Variants in C9orf72 observed in about 807,000 individuals in gnomAD.
The protein encoded by C9orf72 is C9orf72-SMCR8 complex subunit, also known as guanine nucleotide exchange factor C9orf72.
Under a neutral mutation model 51.6 loss-of-function variants are expected in C9orf72, and 44 were observed. The observed-to-expected ratio is 0.85, with a 90% CI of 0.67 to 1.10. The LOEUF (loss-of-function observed/expected upper bound fraction) is 1.10. Ranked by LOEUF, C9orf72 falls within the 50% of genes least tolerant of loss-of-function variation. C9orf72 has a pLI of 0.00. For missense variants in C9orf72, 607 were observed against 570.6 expected (o/e 1.06, Z -0.65); for synonymous variants, 213 against 194.2 (o/e 1.10, Z -0.81).
Position 27,566,866 on chromosome 9 carries a change from A to G in C9orf72, c.255T>C (p.Phe85=), listed in dbSNP as rs747181422. ...TAATCACTCCCTTTTCAGACAAGAC[A>G]AAAAACTTTACATCTATAGCACCAC... The part of the protein sequence containing the change: ...AESGAIDVKF[F]VLSEKGVIIV... Residue 85 remains phenylalanine (F), a synonymous_variant, in exon 2 of 11, where the codon TTT becomes TTC. Transcript: ENST00000380003. The G allele has an allele frequency of 6.2e-7, 1 of 1,614,026 alleles. No individual in the cohort carries two copies. Among genetic ancestry groups the G allele is most frequent in the Non-Finnish European group, 8.5e-7 (1 of 1,179,928 alleles).
At position 27,567,073 on chromosome 9, in the gene C9orf72, C is replaced by A; in HGVS notation, c.48G>T (p.Glu16Asp). Residue 16 changes from glutamate to aspartate, a missense_variant, in exon 2 of 11, where the codon GAG (glutamate) becomes GAT (aspartate). By Grantham distance (45) the Glu-to-Asp change is conservative (BLOSUM62 2). Coordinates refer to ENST00000380003, the MANE Select transcript of C9orf72 (RefSeq NM_018325.5). ...AAGGTGATTTGCCACTTAAAGCAAT[C>A]TCTGTCTTGGCAACAGCTGGAGATG... ...PPPSPAVAKT[E>D]IALSGKSPLL... The A allele has an allele frequency of 6.2e-7, 1 of 1,613,990 alleles. No homozygotes were observed. Among genetic ancestry groups the A allele is most frequent in the Non-Finnish European group, 8.5e-7 (1 of 1,179,890 alleles).
At chr9:27,557,276 C>A (rs530833031) in intron 7 of C9orf72, among the ~76,000 whole-genome samples, 3 of 152,130 alleles carry the variant, frequency 2.0e-5, no homozygotes, top group African/African-American at 7.2e-5. Flanking sequence ...CTTAATTATT[C>A]TATGCACCTC....
chr9:27,548,846 A>AT (rs1820840980), intron 9 of C9orf72, among the ~76,000 whole-genome samples, 180 bp from the exon 10 acceptor site: 1 of 138,366 alleles, frequency 7.2e-6, no homozygotes, highest in East Asian at 2.2e-4. Flanking sequence ...GAACAATCTG[A>AT]TATTTTTTTT....
intron 8 of C9orf72, among the ~76,000 whole-genome samples, chr9:27,551,942 G>A (rs1347708445): frequency 6.6e-6 from 1 of 152,142 alleles, no homozygotes; most frequent in African/African-American, 2.4e-5. Context: ...TGCGGCTATT[G>A]TGAATGGGAC....
rs1324943336 is a variant in C9orf72, at chr9:27,566,939, A to G, written c.182T>C (p.Phe61Ser). The G allele has an allele frequency of 1.2e-6, 2 of 1,613,984 alleles. No individual in the cohort carries two copies. Among genetic ancestry groups the G allele is most frequent in the Admixed American group, 3.3e-5 (2 of 59,994 alleles). ...TCCATTTAGAGTGTGGTTGGCAAGAAAAGTTATTTCTCCATCACTGAGAAG... is the reference window on the plus strand; with the variant it reads ...TCCATTTAGAGTGTGGTTGGCAAGAGAAGTTATTTCTCCATCACTGAGAAG... The part of the protein sequence containing the change: ...QVLLSDGEIT[F>S]LANHTLNGEI... The change falls in exon 2 of 11, where the codon TTT becomes TCT. Residue 61 changes from phenylalanine to serine, a missense_variant. Phe to Ser is a radical substitution (Grantham distance 155). Coordinates refer to ENST00000380003, the MANE Select transcript of C9orf72 (RefSeq NM_018325.5).
At chr9:27,551,147 C>G (rs569873515) in intron 8 of C9orf72, among the ~76,000 whole-genome samples, 1 of 151,958 alleles carries the variant, frequency 6.6e-6, no homozygotes, top group Non-Finnish European at 1.5e-5. Flanking sequence ...CCAAAACAAA[C>G]CAAAAAATGT....
intron 9 of C9orf72, among the ~76,000 whole-genome samples, chr9:27,549,671 A>C (rs1820865551): frequency 6.6e-6 from 1 of 152,074 alleles, no homozygotes; most frequent in Non-Finnish European, 1.5e-5. Flanking sequence ...AATTAAGTAG[A>C]TATTTTTTAA....
In C9orf72 at chr9:27,548,293, G is replaced by T. The variant is rs1820815149; in HGVS notation, c.1389C>A (p.Ile463=). Residue 463 remains isoleucine, a synonymous_variant, in exon 11 of 11, where the codon ATC becomes ATA. Coordinates refer to ENST00000380003, the MANE Select transcript of C9orf72 (RefSeq NM_018325.5). ...CACTAGTGTAGAAAGGTCTTCCAAA[G>T]ATAAAAGAGTGTAGGCCTGGTTTAA... ...EKIKPGLHSF[I]FGRPFYTSVQ... is the part of the protein sequence containing the mutation. 6.2e-7 allele frequency: 1 copy of T among 1,613,138 alleles called. No individual in the cohort carries two copies. Among genetic ancestry groups the T allele is most frequent in the Non-Finnish European group, 8.5e-7 (1 of 1,179,512 alleles).
intron 3 of C9orf72, among the ~76,000 whole-genome samples, chr9:27,564,654 G>A (rs1193764984): frequency 6.6e-6 from 1 of 151,676 alleles, no homozygotes; most frequent in East Asian, 1.9e-4. Context: ...ATTGGGTTCT[G>A]TATTATGGCC....
upstream of C9orf72, chr9:27,573,537 C>CCCCGGCCCCGGCCCCGGA (rs1406523414): frequency 2.0e-5 from 3 of 150,494 alleles, no homozygotes; most frequent in South Asian, 5.3e-4. Context: ...CCGGCCCCGG[C>CCCCGGCCCCGGCCCCGGA]CCCGGCCCCT....
intron 3 of C9orf72, among the ~76,000 whole-genome samples, chr9:27,564,534 A>T (rs994681152): frequency 1.3e-5 from 2 of 152,154 alleles, no homozygotes; most frequent in African/African-American, 4.8e-5. Context: ...CTTTGGGTAA[A>T]GGGAAATCTT....
Position 27,548,650 on chromosome 9 carries a change from G to C in C9orf72, c.1166C>G (p.Pro389Arg). ...AFLDQVFQLK[P>R]GLSLRSTFLA... ...GAAAGTACTTCTGAGAGATAAGCCAGGTTTCAGCTGAAAGACCTGCAGGGA... is the reference window on the plus strand; with the variant it reads ...GAAAGTACTTCTGAGAGATAAGCCACGTTTCAGCTGAAAGACCTGCAGGGA... The change falls in exon 10 of 11, where the codon CCT (proline) becomes CGT (arginine). Residue 389 changes from proline (P) to arginine (R), a missense_variant. Transcript: ENST00000380003. 1 of 1,607,878 alleles carries C rather than the reference G, an allele frequency of 6.2e-7. No individual in the cohort carries two copies. The highest frequency in any genetic ancestry group is 8.5e-7 in the Non-Finnish European group (1 of 1,174,468).
Position 27,568,086 on chromosome 9 carries a change from C to CAAAAAA in C9orf72, c.-44-928_-44-923dup, listed in dbSNP as rs11418499. On this transcript the variant is annotated intron_variant, in intron 1 of 10. Coordinates refer to ENST00000380003, the MANE Select transcript of C9orf72 (RefSeq NM_018325.5). Reference sequence around the variant, plus strand: ...AAATACTTTAAAGCCGCTAAAAGGTCAAAAAAAAAAAAAAAAAAAAAGACA... The same window carrying CAAAAAA: ...AAATACTTTAAAGCCGCTAAAAGGTCAAAAAAAAAAAAAAAAAAAAAAAAAAAGACA... 1.3e-3 allele frequency among the ~76,000 whole-genome samples: 107 copies of CAAAAAA among 80,446 alleles called. 1 individual carries two copies. The highest frequency in any genetic ancestry group is 8.8e-3 in the Middle Eastern group (1 of 114). The allele number at this position is 80,446 out of a possible 152,430, so 52.8% of individuals were successfully genotyped here.
chr9:27,563,556 A>T (rs890025904), intron 3 of C9orf72, among the ~76,000 whole-genome samples: 3 of 152,152 alleles, frequency 2.0e-5, no homozygotes, highest in African/African-American at 7.2e-5. Context: ...TTATGAAATG[A>T]TTTTACTCAA....
chr9:27,554,697 A>G, intron 8 of C9orf72: 1 of 398,194 alleles, frequency 2.5e-6, no homozygotes, highest in Non-Finnish European at 4.4e-6. Context: ...GAATTATTTT[A>G]AAAAGTTAAA....
At chr9:27,554,815 T>C (rs1199430044) in intron 8 of C9orf72, among the ~76,000 whole-genome samples, 2 of 152,228 alleles carry the variant, frequency 1.3e-5, no homozygotes, top group Non-Finnish European at 2.9e-5. Flanking sequence ...ATACTATTTT[T>C]TGGACAATTT....
At chr9:27,557,425 T>G (rs934738984) in intron 7 of C9orf72, among the ~76,000 whole-genome samples, 2 of 152,176 alleles carry the variant, frequency 1.3e-5, no homozygotes, top group African/African-American at 4.8e-5. Context: ...TTTCCATTTT[T>G]TTACTATTAT....
intron 9 of C9orf72, among the ~76,000 whole-genome samples, chr9:27,549,954 A>G (rs1313264802): frequency 6.6e-6 from 1 of 151,562 alleles, no homozygotes; most frequent in African/African-American, 2.4e-5. Context: ...AAAGCACCTA[A>G]TAAAACAGAT....
chr9:27,546,679 G>A lies in C9orf72; in HGVS notation c.*1557C>T, dbSNP rs981643736. 2.0e-5 allele frequency: 3 copies of A among 152,088 alleles called. No individual in the cohort carries two copies. Among genetic ancestry groups the A allele is most frequent in the African/African-American group, 7.2e-5 (3 of 41,446 alleles). 9.4% of individuals were successfully genotyped at this position (152,088 alleles called of 1,614,324 possible). On this transcript the variant is annotated 3_prime_UTR_variant, in exon 11 of 11. Transcript: ENST00000380003. ...ATAACAGTACAATAAACCAGCCAAA[G>A]AAAATAACCAGTTAGCACTTAAATA...
Sources: allele counts gnomAD v4.1 joint callset (sites outside exome capture counted in the v4.1 genomes callset), GRCh38; gene constraint gnomAD v4.1.1; transcripts MANE v1.5; gene names NCBI Gene and HGNC (gene_info 2026-07-23, HGNC 2026-07-21).